The following PRIM2 variants were observed in gnomAD, a reference collection of about 807,000 sequenced individuals.
The protein encoded by PRIM2 is DNA primase large subunit.
A neutral mutation model predicts 67.3 loss-of-function variants in PRIM2; 39 were observed. The observed-to-expected ratio is 0.58, with a 90% CI of 0.45 to 0.76. The LOEUF (loss-of-function observed/expected upper bound fraction) is 0.76. Ranked by LOEUF, PRIM2 falls within the 30% of genes least tolerant of loss-of-function variation. The pLI is 0.00. For missense variants in PRIM2, 398 were observed against 598.7 expected (o/e 0.66, Z 3.50); for synonymous variants, 143 against 198.7 (o/e 0.72, Z 2.36).
chr6:57,265,878 G>A, the PRIM2 span, among the ~76,000 whole-genome samples: 1 of 152,132 alleles, frequency 6.6e-6, no homozygotes, highest in Non-Finnish European at 1.5e-5. Context: ...CTGCCAGTAT[G>A]TCATCCAACT....
At chr6:57,402,566 G>A (rs961157323) in intron 7 of PRIM2, among the ~76,000 whole-genome samples, 8 of 152,198 alleles carry the variant, frequency 5.3e-5, no homozygotes, top group Non-Finnish European at 1.2e-4. Context: ...AAATGGAGAT[G>A]TGCAGCTTAC....
the PRIM2 span, among the ~76,000 whole-genome samples, chr6:57,296,912 T>A: frequency 6.6e-6 from 1 of 151,980 alleles, no homozygotes; most frequent in African/African-American, 2.4e-5. Flanking sequence ...GGGGACATGT[T>A]GACAGGATAC....
intron 10 of PRIM2, among the ~76,000 whole-genome samples, chr6:57,592,647 C>A (rs1427351392): frequency 6.6e-6 from 1 of 152,108 alleles, no homozygotes. Context: ...CAAAAACTAG[C>A]TGGGCTGGTG....
chr6:57,628,370 G>A (rs1776988950), intron 12 of PRIM2, among the ~76,000 whole-genome samples: 1 of 152,234 alleles, frequency 6.6e-6, no homozygotes, highest in Non-Finnish European at 1.5e-5. Context: ...ACCAGCTTGT[G>A]AGGATGGAGG....
the PRIM2 span, among the ~76,000 whole-genome samples, chr6:57,244,491 T>C: frequency 4.6e-4 from 70 of 152,344 alleles, 1 homozygote; most frequent in African/African-American, 1.5e-3. Context: ...CTGGGCGCGG[T>C]GGCTTACACC....
intron 10 of PRIM2, among the ~76,000 whole-genome samples, chr6:57,585,554 T>A (rs1278498405): frequency 6.6e-6 from 1 of 152,180 alleles, no homozygotes; most frequent in African/African-American, 2.4e-5. Flanking sequence ...AAATGATTCT[T>A]GCTCAAGACA....
At chr6:57,488,406 G>A (rs2127408525) in intron 7 of PRIM2, among the ~76,000 whole-genome samples, 2 of 152,332 alleles carry the variant, frequency 1.3e-5, no homozygotes, top group South Asian at 4.1e-4. Context: ...CAGGAGCAGT[G>A]TTCTTGGGAA....
At chr6:57,386,217 C>G (rs963826149) in intron 7 of PRIM2, among the ~76,000 whole-genome samples, 1 of 150,628 alleles carries the variant, frequency 6.6e-6, no homozygotes, top group African/African-American at 2.4e-5. Flanking sequence ...GAGAATCAGT[C>G]TCTACTAAAA....
intron 13 of PRIM2, among the ~76,000 whole-genome samples, chr6:57,634,857 A>G (rs1777092583): frequency 6.6e-6 from 1 of 152,132 alleles, no homozygotes; most frequent in South Asian, 2.1e-4. Flanking sequence ...TTCACATATA[A>G]AAATAGTCTA....
chr6:57,549,512 G>C (rs1473727132), intron 10 of PRIM2, among the ~76,000 whole-genome samples: 3 of 151,950 alleles, frequency 2.0e-5, no homozygotes, highest in Non-Finnish European at 4.4e-5. Context: ...TTCAGTTCTT[G>C]AGGACAATAG....
intron 5 of PRIM2, among the ~76,000 whole-genome samples, chr6:57,330,355 T>G (rs1562696629): frequency 1.7e-5 from 2 of 117,184 alleles, no homozygotes; most frequent in African/African-American, 3.8e-5. Flanking sequence ...CTTGTTTTTT[T>G]TTTTTGTTTT....
chr6:57,246,631 A>G, the PRIM2 span, among the ~76,000 whole-genome samples: 1 of 152,166 alleles, frequency 6.6e-6, no homozygotes, highest in Non-Finnish European at 1.5e-5. Flanking sequence ...CCATGCCTGT[A>G]CTCAGGTGAA....
intron 7 of PRIM2, among the ~76,000 whole-genome samples, chr6:57,501,315 T>G (rs1161066435): frequency 6.6e-6 from 1 of 152,200 alleles, no homozygotes; most frequent in African/African-American, 2.4e-5. Flanking sequence ...TTTCTTTTTT[T>G]GGAGACAGAG....
chr6:57,474,241 C>G (rs1172662814), intron 7 of PRIM2, among the ~76,000 whole-genome samples: 1 of 97,396 alleles, frequency 1.0e-5, no homozygotes, highest in African/African-American at 4.4e-5. Context: ...GTGGCGCCAT[C>G]TTGGCTCACT....
chr6:57,516,013 A>C (rs1774480402), intron 8 of PRIM2, among the ~76,000 whole-genome samples: 1 of 151,196 alleles, frequency 6.6e-6, no homozygotes, highest in South Asian at 2.1e-4. Flanking sequence ...ATTCCTTCTC[A>C]TGCTTTCCAT....
At chr6:57,357,137 A>G (rs1359494484) in intron 5 of PRIM2, among the ~76,000 whole-genome samples, 1 of 151,944 alleles carries the variant, frequency 6.6e-6, no homozygotes, top group Admixed American at 6.6e-5. Context: ...TTTCACCATG[A>G]TGGCCAAGCT....
intron 7 of PRIM2, among the ~76,000 whole-genome samples, chr6:57,428,803 T>G (rs1397690282): frequency 6.6e-6 from 1 of 152,218 alleles, no homozygotes; most frequent in Non-Finnish European, 1.5e-5. Flanking sequence ...TACCTCCCAT[T>G]CAGCTTTCCT....
At chr6:57,361,281 C>CT (rs1012198022) in intron 5 of PRIM2, among the ~76,000 whole-genome samples, 24 of 152,174 alleles carry the variant, frequency 1.6e-4, no homozygotes, top group Admixed American at 1.3e-4. Flanking sequence ...TCTGAGGATA[C>CT]TATCCTTTCT....
chr6:57,528,581 A>G (rs1161140218), intron 8 of PRIM2, among the ~76,000 whole-genome samples: 3 of 152,166 alleles, frequency 2.0e-5, no homozygotes, highest in African/African-American at 7.2e-5. Flanking sequence ...CATTTACTCA[A>G]TAACTATAAT....
Sources: allele counts gnomAD v4.1 joint callset (sites outside exome capture counted in the v4.1 genomes callset), GRCh38; gene constraint gnomAD v4.1.1; transcripts MANE v1.5; gene names NCBI Gene and HGNC (gene_info 2026-07-23, HGNC 2026-07-21).